RAB40C: variants seen among roughly 807,000 people sequenced by gnomAD.
RAB40C encodes the protein ras-related protein Rab-40C.
RAB40C carries 8 observed loss-of-function variants against 28.1 expected under a neutral mutation model. The observed-to-expected ratio is 0.28, with a 90% confidence interval of 0.17 to 0.51. The LOEUF (loss-of-function observed/expected upper bound fraction) is 0.51. RAB40C is among the 20% of genes least tolerant of loss of function. RAB40C has a pLI of 0.97. For synonymous variants in RAB40C, 201 were observed against 171.7 expected (o/e 1.17, Z -1.34); for missense variants, 288 against 405.9 (o/e 0.71, Z 2.50).
intron 3 of RAB40C, among the ~76,000 whole-genome samples, chr16:618,707 C>T (rs983517751): frequency 2.7e-5 from 4 of 150,176 alleles, no homozygotes; most frequent in Non-Finnish European, 5.9e-5. Context: ...GTAGTGGGTG[C>T]ACTCAGGGCC....
At position 627,840 on chromosome 16, in the gene RAB40C, C is replaced by G. The variant is rs754716343; in HGVS notation, c.*218C>G. 9.8e-5 allele frequency: 49 copies of G among 498,948 alleles called. No individual in the cohort carries two copies. The highest frequency in any genetic ancestry group is 1.5e-4 in the Non-Finnish European group (46 of 301,558). 30.9% of individuals were successfully genotyped at this position (498,948 alleles called of 1,614,324 possible). The stretch of plus-strand genomic sequence containing the variant: ...GGCGCGGCTGGGCTGCTGGTGCTTC[C>G]GGGAATCTTGGTCGGAAACAAGCCG... On this transcript the variant is annotated 3_prime_UTR_variant, in exon 6 of 6. Coordinates refer to ENST00000248139, the MANE Select transcript of RAB40C (RefSeq NM_021168.5).
At chr16:595,312 T>G (rs1238850539) in intron 1 of RAB40C, among the ~76,000 whole-genome samples, 1 of 152,122 alleles carries the variant, frequency 6.6e-6, no homozygotes, top group Non-Finnish European at 1.5e-5. Flanking sequence ...AGACGAGGGA[T>G]TGAGGCTCAG....
chr16:627,632 GC>G lies in RAB40C; in HGVS notation c.*11del. On this transcript the variant is annotated 3_prime_UTR_variant, in exon 6 of 6. Coordinates refer to ENST00000248139, the MANE Select transcript of RAB40C (RefSeq NM_021168.5). Reference sequence around the variant, plus strand: ...CTGCAAGATCTCCTAGCGGGGATGGGCGGGGCCGCCTGTGCAGATGCCAGGA... The same window carrying G: ...CTGCAAGATCTCCTAGCGGGGATGGGGGGGCCGCCTGTGCAGATGCCAGGA... 6.4e-7 allele frequency: 1 copy of G among 1,562,826 alleles called. No homozygotes were observed.
At position 618,217 on chromosome 16, in the gene RAB40C, G is replaced by T; in HGVS notation, c.221G>T (p.Gly74Val). ...TGTTTCAGGGACACGTCGGGCCAGG[G>T]CCGGTTCTGCACCATCTTCAGGTCC... is the stretch of plus-strand genomic sequence containing the variant. The part of the protein sequence containing the change: ...KLELWDTSGQ[G>V]RFCTIFRSYS... The change falls in exon 3 of 6, where the codon GGC becomes GTC. Residue 74 changes from glycine to valine, a missense_variant. Gly to Val is a moderately radical substitution (Grantham distance 109). Coordinates refer to ENST00000248139, the MANE Select transcript of RAB40C (RefSeq NM_021168.5). 6.2e-7 allele frequency: 1 copy of T among 1,613,618 alleles called. No individual in the cohort carries two copies. The highest frequency in any genetic ancestry group is 8.5e-7 in the Non-Finnish European group (1 of 1,179,898).
intron 1 of RAB40C, among the ~76,000 whole-genome samples, chr16:602,379 C>G (rs1304913908): frequency 6.6e-6 from 1 of 151,746 alleles, no homozygotes; most frequent in African/African-American, 2.4e-5. Flanking sequence ...CTCAGCCTCT[C>G]AAGTAGCTAA....
In RAB40C at chr16:594,569, C is replaced by T. The variant is rs555332083; in HGVS notation, c.142+4136C>T. 3.0e-4 allele frequency among the ~76,000 whole-genome samples: 45 copies of T among 152,260 alleles called. 1 individual carries two copies. The highest frequency in any genetic ancestry group is 2.2e-3 in the Admixed American group (34 of 15,276). ...TCATCTGGCTTGAAGTTCGTGGCTCCGAAGTGGCCAATTCCAGGGGACACT... is the reference window on the plus strand; with the variant it reads ...TCATCTGGCTTGAAGTTCGTGGCTCTGAAGTGGCCAATTCCAGGGGACACT... On this transcript the variant is annotated intron_variant, in intron 1 of 5. Transcript: ENST00000248139.
At chr16:612,997 C>A (rs2036512595) in intron 1 of RAB40C, among the ~76,000 whole-genome samples, 1 of 92,374 alleles carries the variant, frequency 1.1e-5, no homozygotes, top group Non-Finnish European at 2.2e-5. Context: ...CCTGTAGAAT[C>A]AAGAGCAAGG....
intron 1 of RAB40C, 99 bp downstream of exon 1, chr16:590,532 A>C: frequency 3.0e-6 from 4 of 1,348,648 alleles, no homozygotes. Flanking sequence ...AGCGCCGCCG[A>C]ACGTTCCCAG....
chr16:614,922 C>T (rs2036557425), intron 1 of RAB40C, among the ~76,000 whole-genome samples: 1 of 152,258 alleles, frequency 6.6e-6, no homozygotes, highest in Non-Finnish European at 1.5e-5. Flanking sequence ...TCTACCGCAT[C>T]CTGATGAACT....
At chr16:614,774 G>A (rs922240443) in intron 1 of RAB40C, among the ~76,000 whole-genome samples, 7 of 151,394 alleles carry the variant, frequency 4.6e-5, no homozygotes, top group South Asian at 4.2e-4. Flanking sequence ...GCATCCCGAC[G>A]GTGAACTGCC....
At chr16:624,675 T>C (rs2036789407) in intron 3 of RAB40C, 1 of 985,458 alleles carries the variant, frequency 1.0e-6, no homozygotes, top group African/African-American at 1.7e-5. Context: ...GTAGGGTGGA[T>C]CACAGCTCAT....
intron 3 of RAB40C, among the ~76,000 whole-genome samples, chr16:621,020 T>C (rs2036706034): frequency 6.6e-6 from 1 of 152,272 alleles, no homozygotes; most frequent in Non-Finnish European, 1.5e-5. Flanking sequence ...CCGTGTTCTT[T>C]CCAAAGCATC....
intron 1 of RAB40C, among the ~76,000 whole-genome samples, chr16:605,922 GCCTT>G (rs1286845675): frequency 1.3e-5 from 2 of 152,194 alleles, no homozygotes; most frequent in Non-Finnish European, 2.9e-5. Context: ...TCTAAGTCCT[GCCTT>G]CCTTTTAGCC....
intron 1 of RAB40C, among the ~76,000 whole-genome samples, chr16:611,676 C>G (rs1259032361): frequency 7.5e-6 from 1 of 134,068 alleles, no homozygotes; most frequent in African/African-American, 2.9e-5. Flanking sequence ...GACAGCCGCC[C>G]TGGCCTGTAG....
chr16:597,317 G>A (rs1375246612), intron 1 of RAB40C, among the ~76,000 whole-genome samples: 1 of 151,972 alleles, frequency 6.6e-6, no homozygotes, highest in Non-Finnish European at 1.5e-5. Flanking sequence ...AGAAGCACTC[G>A]GCCCCTGAGC....
chr16:625,745 T>A, intron 4 of RAB40C, 154 bp from the exon 5 acceptor site: 1 of 875,098 alleles, frequency 1.1e-6, no homozygotes, highest in Non-Finnish European at 1.8e-6. Flanking sequence ...CTGTAGGGCC[T>A]GAGCCCTGGG....
At chr16:614,942 C>T (rs1170559249) in intron 1 of RAB40C, among the ~76,000 whole-genome samples, 2 of 152,230 alleles carry the variant, frequency 1.3e-5, no homozygotes, top group South Asian at 2.1e-4. Context: ...TGCTTAATGG[C>T]GTTGTCCCTG....
Position 590,223 on chromosome 16 carries a change from C to T in RAB40C, c.-69C>T, listed in dbSNP as rs1045935001. On this transcript the variant is annotated 5_prime_UTR_variant, in exon 1 of 6. Coordinates refer to ENST00000248139, the MANE Select transcript of RAB40C (RefSeq NM_021168.5). ...CGGGCGCAGGTGCGGGGCGCGGGCT[C>T]TCTCACGCCGCGGCCTCACCCGGCG... 5.0e-5 allele frequency: 61 copies of T among 1,229,728 alleles called. No homozygotes were observed. The African/African-American group carries it at 8.4e-4, about 17-fold the overall frequency. The allele number at this position is 1,229,728 out of a possible 1,614,324, so 76.2% of individuals were successfully genotyped here. A position where few individuals can be genotyped will look rare whatever the true frequency, so the allele number is the denominator to read the frequency against.
At chr16:590,477 C>G (rs2151055026) in intron 1 of RAB40C, 44 bp downstream of exon 1, 1 of 1,492,514 alleles carries the variant, frequency 6.7e-7, no homozygotes, top group Non-Finnish European at 8.9e-7. Flanking sequence ...GGGGCCCGAG[C>G]CCGGCGAGCT....
Sources: allele counts gnomAD v4.1 joint callset (sites outside exome capture counted in the v4.1 genomes callset), GRCh38; gene constraint gnomAD v4.1.1; transcripts MANE v1.5; gene names NCBI Gene and HGNC (gene_info 2026-07-23, HGNC 2026-07-21).